The following CDH26 variants were observed in gnomAD, a reference collection of about 807,000 sequenced individuals.
CDH26 encodes the protein cadherin-like protein 26.
Under a neutral mutation model 90.3 loss-of-function variants are expected in CDH26, and 83 were observed. The observed-to-expected ratio is 0.92, with a 90% CI of 0.77 to 1.10. CDH26 has a LOEUF of 1.10. Among genes scored for constraint, CDH26 ranks in the 50% least tolerant of loss-of-function variants. The pLI is 0.00. For synonymous variants in CDH26, 397 were observed against 396.3 expected, an observed-to-expected ratio of 1.00 and a Z score of -0.02; for missense variants, 1,013 against 1,037.6, an observed-to-expected ratio of 0.98 and a Z score of 0.33.
chr20:59,960,051 G>C (rs2061047583), intron 1 of CDH26, among the ~76,000 whole-genome samples: 1 of 152,186 alleles, frequency 6.6e-6, no homozygotes, highest in African/African-American at 2.4e-5. Context: ...GGACTGGGCT[G>C]CTTGGCGTCC....
intron 7 of CDH26, among the ~76,000 whole-genome samples, chr20:59,986,616 T>C (rs1379608495): frequency 1.0e-4 from 14 of 136,768 alleles, no homozygotes; most frequent in South Asian, 2.5e-4. Flanking sequence ...TAAATCCCCC[T>C]ACACACACAC....
intron 7 of CDH26, among the ~76,000 whole-genome samples, chr20:60,025,457 T>C (rs968654804): frequency 1.3e-5 from 2 of 152,250 alleles, no homozygotes; most frequent in African/African-American, 4.8e-5. Context: ...AAATATCCCT[T>C]TCCACTGACC....
chr20:60,033,900 C>A, exon 9 of CDH26: 1 of 439,326 alleles, frequency 2.3e-6, no homozygotes. Context: ...TCACCACTGG[C>A]CTGGTCACTG....
intron 3 of CDH26, 41 bp from the exon 4 acceptor site, chr20:59,971,921 T>C (rs745609166): frequency 1.9e-6 from 3 of 1,554,764 alleles, no homozygotes; most frequent in South Asian, 1.1e-5. Context: ...TGGCTTATTC[T>C]CATCCTCCTT....
Position 59,985,097 on chromosome 20 carries a change from A to C in CDH26, c.805A>C (p.Asn269His), listed in dbSNP as rs375280249. The C allele has an allele frequency of 6.2e-7, 1 of 1,614,014 alleles. No homozygotes were observed. Among genetic ancestry groups the C allele is most frequent in the Non-Finnish European group, 8.5e-7 (1 of 1,179,982 alleles). ...TTVHVDVQEGNNHRPAFTQEN... is the reference protein window; with the variant it reads ...TTVHVDVQEGHNHRPAFTQEN... ...CGTTCACGTGGATGTGCAAGAAGGCAACAACCACAGGCCTGCATTTACCCA... is the reference window on the plus strand; with the variant it reads ...CGTTCACGTGGATGTGCAAGAAGGCCACAACCACAGGCCTGCATTTACCCA... Residue 269 changes from asparagine (N) to histidine (H), a missense_variant, in exon 7 of 18, where the codon AAC becomes CAC. By Grantham distance (68) the Asn-to-His change is moderately conservative. Coordinates refer to ENST00000348616, the MANE Select transcript of CDH26 (RefSeq NM_177980.4).
chr20:59,981,261 C>A (rs993418262), intron 4 of CDH26, among the ~76,000 whole-genome samples: 1 of 152,066 alleles, frequency 6.6e-6, no homozygotes, highest in African/African-American at 2.4e-5. Flanking sequence ...TTGTTGATAT[C>A]TCTAAAATAT....
chr20:59,999,490 T>A (rs1001357446), intron 13 of CDH26, 96 bp from the exon 14 acceptor site: 12 of 1,006,124 alleles, frequency 1.2e-5, no homozygotes, highest in Non-Finnish European at 1.8e-5. Context: ...ATAGATACAA[T>A]GTGTTTTGGA....
Position 59,989,148 on chromosome 20 carries a change from CAG to C in CDH26, c.1270_1271del (p.Asp424GlnfsTer6). 10 of 1,614,180 alleles carry C rather than the reference CAG, an allele frequency of 6.2e-6. No individual in the cohort carries two copies. Among genetic ancestry groups the C allele is most frequent in the Non-Finnish European group, 8.5e-6 (10 of 1,180,044 alleles). On this transcript the variant is annotated frameshift_variant, in exon 9 of 18. Transcript: ENST00000348616. LOFTEE classifies it high-confidence loss of function. The stretch of plus-strand genomic sequence containing the variant: ...TTGGGAACTTTTAATGCCATGGATC[CAG>C]ACAGCCAGATAAGGTGAGAAGAGAG...
chr20:59,983,726 G>A (rs1325725713), intron 5 of CDH26, among the ~76,000 whole-genome samples: 1 of 151,968 alleles, frequency 6.6e-6, no homozygotes, highest in Non-Finnish European at 1.5e-5. Context: ...ATGCATATTT[G>A]TATATACATA....
chr20:60,024,054 C>T (rs548706163), intron 7 of CDH26, among the ~76,000 whole-genome samples: 1 of 152,244 alleles, frequency 6.6e-6, no homozygotes, highest in South Asian at 2.1e-4. Flanking sequence ...AACGTGTCTT[C>T]ACAGAAGAGC....
In CDH26 at chr20:59,958,717, G is replaced by GT. The variant is rs1569017562; in HGVS notation, c.-9dup. On this transcript the variant is annotated 5_prime_UTR_variant, in exon 1 of 18. Coordinates refer to ENST00000348616, the MANE Select transcript of CDH26 (RefSeq NM_177980.4). ...GCTGCACGTTCTGGGTCTGTCTTGG[G>GT]TATTCCCATATGGCCATGAGATCCG... 1 of 1,614,118 alleles carries GT rather than the reference G, an allele frequency of 6.2e-7. No individual in the cohort carries two copies. The highest frequency in any genetic ancestry group is 2.2e-5 in the East Asian group (1 of 44,880).
intron 4 of CDH26, among the ~76,000 whole-genome samples, chr20:59,976,607 A>G (rs2061331275): frequency 6.6e-6 from 1 of 152,184 alleles, no homozygotes; most frequent in African/African-American, 2.4e-5. Context: ...GAATGTAGAG[A>G]TGGTGAGTGA....
intron 3 of CDH26, among the ~76,000 whole-genome samples, chr20:59,970,809 A>AAAAT (rs34187396): frequency 0.17 from 24,163 of 143,940 alleles, 2,299 homozygotes; most frequent in East Asian, 0.34. Flanking sequence ...CTCTGTCTCA[A>AAAAT]AAATAAATAA....
At chr20:60,023,551 A>G (rs1601225424) in intron 7 of CDH26, among the ~76,000 whole-genome samples, 1 of 151,954 alleles carries the variant, frequency 6.6e-6, no homozygotes, top group Non-Finnish European at 1.5e-5. Flanking sequence ...AAATGGCAGG[A>G]GAAATTTATA....
At chr20:59,987,729 G>A (rs1290064940) in intron 8 of CDH26, 91 bp downstream of exon 8, 16 of 1,193,070 alleles carry the variant, frequency 1.3e-5, no homozygotes, top group African/African-American at 9.3e-5. Context: ...GGGAGCTAAC[G>A]TCCGTGGATG....
intron 13 of CDH26, among the ~76,000 whole-genome samples, chr20:59,997,784 A>G (rs2061618279): frequency 6.6e-6 from 1 of 152,282 alleles, no homozygotes. Flanking sequence ...ATGAAGTCAG[A>G]CATTTAGGGA....
intron 15 of CDH26, among the ~76,000 whole-genome samples, chr20:60,001,821 T>C (rs1017145244): frequency 1.1e-4 from 16 of 152,352 alleles, no homozygotes; most frequent in South Asian, 2.1e-4. Flanking sequence ...TGTTGTGTCT[T>C]CTTGTACTCT....
At chr20:59,999,122 G>A (rs1385028642) in intron 13 of CDH26, among the ~76,000 whole-genome samples, 1 of 152,170 alleles carries the variant, frequency 6.6e-6, no homozygotes, top group Non-Finnish European at 1.5e-5. Context: ...TTCCCTGCAT[G>A]TGGGGAAGCT....
chr20:59,991,592 T>A (rs1245463734), intron 9 of CDH26, among the ~76,000 whole-genome samples: 1 of 152,126 alleles, frequency 6.6e-6, no homozygotes, highest in Non-Finnish European at 1.5e-5. Flanking sequence ...TTCAATCCCT[T>A]TAAAAACTGT....
Sources: gnomAD v4.1 joint callset for allele counts (sites outside exome capture counted in the v4.1 genomes callset) on GRCh38, gnomAD v4.1.1 for gene constraint, MANE v1.5 for transcripts, NCBI Gene and HGNC (gene_info 2026-07-23, HGNC 2026-07-21) for gene names.